The following TGFBR2 variants were observed in gnomAD, a reference collection of about 807,000 sequenced individuals.
TGFBR2 encodes the protein transforming growth factor beta receptor 2.
A neutral mutation model predicts 49.0 loss-of-function variants in TGFBR2; 18 were observed. That is an observed-to-expected ratio of 0.37 (90% CI 0.25 to 0.54). The LOEUF (loss-of-function observed/expected upper bound fraction) is 0.54, where lower values mean the gene tolerates loss of function less well. Ranked by LOEUF, TGFBR2 falls within the 20% of genes least tolerant of loss-of-function variation. TGFBR2 has a pLI of 0.85. For missense variants in TGFBR2, 525 were observed against 722.6 expected (o/e 0.73, Z 3.13); for synonymous variants, 282 against 275.9 (o/e 1.02, Z -0.22).
At chr3:30,630,414 A>T (rs1025590149) in intron 1 of TGFBR2, among the ~76,000 whole-genome samples, 2 of 152,214 alleles carry the variant, frequency 1.3e-5, no homozygotes, top group Admixed American at 1.3e-4. Context: ...CTAGTACTAA[A>T]TGTTATTTCA....
At chr3:30,674,475 T>G (rs1423746562) in intron 5 of TGFBR2, among the ~76,000 whole-genome samples, 2 of 152,230 alleles carry the variant, frequency 1.3e-5, no homozygotes, top group Non-Finnish European at 1.5e-5. Context: ...TATAAACCTT[T>G]GTATAATTAC....
chr3:30,618,706 TA>T (rs1214814630), intron 1 of TGFBR2, among the ~76,000 whole-genome samples: 2 of 152,224 alleles, frequency 1.3e-5, no homozygotes, highest in African/African-American at 4.8e-5. Flanking sequence ...AGGTACCCAA[TA>T]AATTAATGAT....
chr3:30,617,919 A>T (rs145718677), intron 1 of TGFBR2, among the ~76,000 whole-genome samples: 2 of 152,258 alleles, frequency 1.3e-5, no homozygotes, highest in East Asian at 1.9e-4. Context: ...GCATTAAAGC[A>T]TGTTCCAAAG....
At chr3:30,617,627 C>T (rs9310938) in intron 1 of TGFBR2, among the ~76,000 whole-genome samples, 64,731 of 151,916 alleles carry the variant, frequency 0.43, 14,099 homozygotes, top group East Asian at 0.75. Context: ...CTCATTCCTT[C>T]CTGAATATTA....
chr3:30,679,959 C>G (rs185136673), intron 5 of TGFBR2, among the ~76,000 whole-genome samples: 1 of 152,344 alleles, frequency 6.6e-6, no homozygotes, highest in Non-Finnish European at 1.5e-5. Context: ...AATGCCATCT[C>G]TACTAAAAAT....
chr3:30,610,369 A>G (rs138852595), intron 1 of TGFBR2, among the ~76,000 whole-genome samples: 236 of 152,228 alleles, frequency 1.6e-3, no homozygotes, highest in Middle Eastern at 3.4e-3. Flanking sequence ...TGCATGTTGA[A>G]TGTTTCCTTC....
At chr3:30,648,354 A>G (rs953701526) in intron 2 of TGFBR2, among the ~76,000 whole-genome samples, 16 of 151,688 alleles carry the variant, frequency 1.1e-4, no homozygotes, top group Admixed American at 1.3e-4. Flanking sequence ...GTCACAAGGA[A>G]AAGAGACCAT....
At chr3:30,680,171 T>C (rs1049320144) in intron 5 of TGFBR2, among the ~76,000 whole-genome samples, 1 of 132,042 alleles carries the variant, frequency 7.6e-6, no homozygotes, top group African/African-American at 2.9e-5. Flanking sequence ...ATGATCAGTA[T>C]GGATACGATA....
intron 1 of TGFBR2, among the ~76,000 whole-genome samples, chr3:30,633,752 GT>G (rs1425461107): frequency 1.3e-5 from 2 of 152,184 alleles, no homozygotes; most frequent in Non-Finnish European, 2.9e-5. Flanking sequence ...AGTTTTGCAT[GT>G]GAAATCTCTG....
intron 5 of TGFBR2, among the ~76,000 whole-genome samples, chr3:30,686,948 G>T (rs1699632973): frequency 6.6e-6 from 1 of 152,182 alleles, no homozygotes; most frequent in South Asian, 2.1e-4. Context: ...CAAAGCATTT[G>T]TTGACAGCCT....
At chr3:30,687,373 CT>C (rs1422763531) in intron 5 of TGFBR2, among the ~76,000 whole-genome samples, 4 of 152,054 alleles carry the variant, frequency 2.6e-5, no homozygotes, top group Non-Finnish European at 4.4e-5. Context: ...TTTTAAACAA[CT>C]TTTTTTGTTT....
At chr3:30,654,507 T>C (rs892843964) in intron 3 of TGFBR2, among the ~76,000 whole-genome samples, 14 of 152,190 alleles carry the variant, frequency 9.2e-5, no homozygotes, top group Non-Finnish European at 1.8e-4. Context: ...AACTGTTCTC[T>C]CACATTCATG....
chr3:30,607,662 A>G (rs1180760297), intron 1 of TGFBR2, among the ~76,000 whole-genome samples: 1 of 151,960 alleles, frequency 6.6e-6, no homozygotes, highest in Non-Finnish European at 1.5e-5. Flanking sequence ...TGCCTGGAAC[A>G]AGATAGTCCT....
chr3:30,608,153 G>A (rs1697966977), intron 1 of TGFBR2, among the ~76,000 whole-genome samples: 2 of 152,062 alleles, frequency 1.3e-5, no homozygotes, highest in South Asian at 2.1e-4. Flanking sequence ...TGGCCAGGGT[G>A]GTCTCGATCT....
At chr3:30,645,418 A>G (rs1002131305) in intron 2 of TGFBR2, among the ~76,000 whole-genome samples, 3 of 151,932 alleles carry the variant, frequency 2.0e-5, no homozygotes, top group Non-Finnish European at 4.4e-5. Context: ...TTAGTCAGAA[A>G]TTCTGGTTAT....
At position 30,692,458 on chromosome 3, in the gene TGFBR2, G is replaced by A. The variant is rs548242538; in HGVS notation, c.*859G>A. ...TCAGAACAGATGTCCCCATCCATGC[G>A]ATTGCCCCACCATCTACTAATGAAA... is the stretch of plus-strand genomic sequence containing the variant. On this transcript the variant is annotated 3_prime_UTR_variant, in exon 7 of 7. Coordinates refer to ENST00000295754, the MANE Select transcript of TGFBR2 (RefSeq NM_003242.6). The A allele has an allele frequency of 6.9e-5, 16 of 232,290 alleles. No homozygotes were observed. The highest frequency in any genetic ancestry group is 1.8e-4 in the South Asian group (1 of 5,512). The allele number at this position is 232,290 out of a possible 1,614,324, so 14.4% of individuals were successfully genotyped here.
chr3:30,623,358 A>G, intron 1 of TGFBR2: 1 of 1,490,478 alleles, frequency 6.7e-7, no homozygotes, highest in Non-Finnish European at 9.3e-7. Flanking sequence ...TAAATCTAAG[A>G]TAAAAATCTA....
intron 1 of TGFBR2, among the ~76,000 whole-genome samples, chr3:30,620,293 G>A (rs1462540078): frequency 1.3e-5 from 2 of 152,158 alleles, no homozygotes; most frequent in African/African-American, 4.8e-5. Context: ...CACTAATTCT[G>A]TTTATGTGTT....
intron 3 of TGFBR2, among the ~76,000 whole-genome samples, chr3:30,660,682 G>T (rs1699106844): frequency 6.6e-6 from 1 of 152,150 alleles, no homozygotes; most frequent in Non-Finnish European, 1.5e-5. Flanking sequence ...TTTAAGAGGG[G>T]ATATTATTTT....
Sources: allele counts gnomAD v4.1 joint callset (sites outside exome capture counted in the v4.1 genomes callset), GRCh38; gene constraint gnomAD v4.1.1; transcripts MANE v1.5; gene names NCBI Gene and HGNC (gene_info 2026-07-23, HGNC 2026-07-21).